DNAH5: variants seen among roughly 807,000 people sequenced by gnomAD.
DNAH5 encodes the protein dynein axonemal heavy chain 5, also known as axonemal beta dynein heavy chain 5.
In DNAH5, 372 loss-of-function variants were observed where a neutral mutation model predicts 518.2. The ratio of observed to expected loss-of-function variants is 0.72; its 90% confidence interval spans 0.66 to 0.78. The LOEUF (loss-of-function observed/expected upper bound fraction) is 0.78, where lower values mean the gene tolerates loss of function less well. Among genes scored for constraint, DNAH5 ranks in the 30% least tolerant of loss-of-function variants. DNAH5 has a pLI of 0.00. For missense variants in DNAH5, 5,523 were observed against 5,687.0 expected, an observed-to-expected ratio of 0.97 and a Z score of 0.93; for synonymous variants, 2,039 against 2,025.9, an observed-to-expected ratio of 1.01 and a Z score of -0.17.
chr5:13,990,632 C>T (rs761285520), intron 1 of DNAH5, among the ~76,000 whole-genome samples: 8 of 152,124 alleles, frequency 5.3e-5, no homozygotes, highest in Non-Finnish European at 8.8e-5. Flanking sequence ...CTTTGGGAGG[C>T]CAAGGCGGGC....
chr5:13,820,393 C>A lies in DNAH5; in HGVS notation c.6794G>T (p.Gly2265Val). The A allele has an allele frequency of 6.2e-7, 1 of 1,611,292 alleles. No individual in the cohort carries two copies. The highest frequency in any genetic ancestry group is 8.5e-7 in the Non-Finnish European group (1 of 1,179,150). ...RHGMMTLGPS[G>V]AGKTTCIHTL... ...GTGGATGCAGGTGGTCTTCCCAGCCCCACTGGGCCCCAGAGTCATCATCCC... is the reference window on the plus strand; with the variant it reads ...GTGGATGCAGGTGGTCTTCCCAGCCACACTGGGCCCCAGAGTCATCATCCC... Residue 2265 changes from glycine (G) to valine (V), a missense_variant, in exon 41 of 79, where the codon GGG (glycine) becomes GTG (valine). Physicochemically the swap from Gly to Val is moderately radical, Grantham distance 109. This residue lies in a region of DNAH5 where 5,121 missense variants were observed against 5,223.3 expected (regional missense o/e 0.98). Transcript: ENST00000265104.
intron 32 of DNAH5, among the ~76,000 whole-genome samples, 191 bp from the exon 33 acceptor site, chr5:13,842,095 C>G (rs953524323): frequency 4.6e-5 from 7 of 151,260 alleles, no homozygotes; most frequent in African/African-American, 1.7e-4. Context: ...AAAATCAATT[C>G]CAGGCCAGGC....
Position 13,824,171 on chromosome 5 carries a change from G to A in DNAH5, c.6579+28C>T, listed in dbSNP as rs77355856. The A allele has an allele frequency of 1.3e-3, 2,014 of 1,610,530 alleles. 22 individuals are homozygous for A. The African/African-American group carries it at 0.023, about 19-fold the overall frequency. Reference sequence around the variant, plus strand: ...GTTAGTTTAACTGATATCCAAGTAGGTGGAACACTTCCATCTGTGAGTCTT... The same window carrying A: ...GTTAGTTTAACTGATATCCAAGTAGATGGAACACTTCCATCTGTGAGTCTT... On this transcript the variant is annotated intron_variant, in intron 39 of 78. Transcript: ENST00000265104.
intron 18 of DNAH5, among the ~76,000 whole-genome samples, 161 bp from the exon 19 acceptor site, chr5:13,885,389 G>A (rs1772268271): frequency 6.6e-6 from 1 of 152,268 alleles, no homozygotes; most frequent in East Asian, 1.9e-4. Context: ...TAGGAAGTGA[G>A]GACATCAAAA....
intron 40 of DNAH5, 119 bp from the exon 41 acceptor site, chr5:13,820,618 TTCAAGA>T (rs1469102772): frequency 1.7e-6 from 2 of 1,164,970 alleles, no homozygotes; most frequent in Non-Finnish European, 1.3e-6. Context: ...AGGTCAGGAG[TTCAAGA>T]CCAGCCAGGC....
At chr5:13,938,828 A>C (rs1779200671) in intron 1 of DNAH5, among the ~76,000 whole-genome samples, 1 of 152,210 alleles carries the variant, frequency 6.6e-6, no homozygotes, top group Non-Finnish European at 1.5e-5. Flanking sequence ...AACCAAGGAC[A>C]TGGATTTGAT....
chr5:13,954,462 G>A (rs1780632478), intron 1 of DNAH5, among the ~76,000 whole-genome samples: 1 of 152,224 alleles, frequency 6.6e-6, no homozygotes, highest in South Asian at 2.1e-4. Flanking sequence ...TTTGAAGTTG[G>A]TCTAAATCAC....
chr5:13,774,593 G>A (rs1294721069), intron 55 of DNAH5, among the ~76,000 whole-genome samples: 1 of 152,132 alleles, frequency 6.6e-6, no homozygotes, highest in African/African-American at 2.4e-5. Context: ...CTTGTCTTGA[G>A]TCTGTCCAAT....
At chr5:13,949,947 C>T (rs746925440) in intron 1 of DNAH5, among the ~76,000 whole-genome samples, 145 of 152,264 alleles carry the variant, frequency 9.5e-4, no homozygotes, top group Non-Finnish European at 1.7e-3. Context: ...CCCATTTTCC[C>T]CTAAATTATA....
chr5:13,715,753 T>G (rs1744205242), intron 74 of DNAH5, among the ~76,000 whole-genome samples: 1 of 152,252 alleles, frequency 6.6e-6, no homozygotes, highest in Non-Finnish European at 1.5e-5. Context: ...AAACTGCCTG[T>G]AGAAATCTAC....
At chr5:13,751,380 A>C in intron 64 of DNAH5, 120 bp from the exon 65 acceptor site, 1 of 1,022,340 alleles carries the variant, frequency 9.8e-7, no homozygotes, top group South Asian at 1.5e-5. Context: ...TTGTATACTA[A>C]AAAAGAAATG....
intron 47 of DNAH5, among the ~76,000 whole-genome samples, chr5:13,806,811 TAAAC>T (rs569865495): frequency 6.0e-4 from 92 of 152,068 alleles, no homozygotes; most frequent in Non-Finnish European, 9.0e-4. Context: ...GAAAAAAAAA[TAAAC>T]AACGCAAACT....
intron 38 of DNAH5, among the ~76,000 whole-genome samples, chr5:13,824,647 C>T (rs966555984): frequency 6.6e-6 from 1 of 152,146 alleles, no homozygotes; most frequent in Non-Finnish European, 1.5e-5. Context: ...TATTCTTAAT[C>T]AATCATACAT....
intron 71 of DNAH5, among the ~76,000 whole-genome samples, chr5:13,720,543 C>T (rs1054803775): frequency 1.3e-5 from 2 of 150,070 alleles, no homozygotes; most frequent in African/African-American, 2.5e-5. Flanking sequence ...CCACCACGTC[C>T]AGTTAATTTT....
intron 12 of DNAH5, among the ~76,000 whole-genome samples, chr5:13,902,777 T>C (rs894835258): frequency 7.9e-5 from 12 of 152,178 alleles, no homozygotes; most frequent in African/African-American, 2.9e-4. Context: ...AGGTTTAAAC[T>C]ACACATGAAA....
chr5:13,883,292 C>G (rs1343414267), intron 19 of DNAH5, among the ~76,000 whole-genome samples, 198 bp from the exon 20 acceptor site: 1 of 151,922 alleles, frequency 6.6e-6, no homozygotes, highest in Non-Finnish European at 1.5e-5. Context: ...GAACCCAAGG[C>G]ATTTTTTGCT....
chr5:13,891,420 G>C (rs527292656), intron 16 of DNAH5, among the ~76,000 whole-genome samples: 68 of 152,124 alleles, frequency 4.5e-4, no homozygotes, highest in South Asian at 1.7e-3. Context: ...TGCCTCCTTA[G>C]GGACTTTTAG....
upstream of DNAH5, among the ~76,000 whole-genome samples, chr5:13,947,205 T>G (rs1283408135): frequency 3.3e-5 from 5 of 152,248 alleles, no homozygotes; most frequent in Admixed American, 3.3e-4. Context: ...ATAAGCTTTA[T>G]GTGGACATAT....
chr5:13,806,014 G>A lies in DNAH5; in HGVS notation c.7887+1577C>T, dbSNP rs573512556. Among the ~76,000 whole-genome samples the A allele has an allele frequency of 5.9e-5, 9 of 152,144 alleles. No homozygotes were observed. In the East Asian group the frequency reaches 7.7e-4, roughly 13 times the overall value. On this transcript the variant is annotated intron_variant, in intron 47 of 78. Coordinates refer to ENST00000265104, the MANE Select transcript of DNAH5 (RefSeq NM_001369.3). ...AAGAGTTCATACAGTCTCATGAAGT[G>A]TGGATCATTAGAAAATCACCCCACA... is the stretch of plus-strand genomic sequence containing the variant.
Sources: gnomAD v4.1 joint callset for allele counts (sites outside exome capture counted in the v4.1 genomes callset) on GRCh38, gnomAD v4.1.1 for gene constraint, gnomAD v4.1.1 regional missense constraint, MANE v1.5 for transcripts, NCBI Gene and HGNC (gene_info 2026-07-23, HGNC 2026-07-21) for gene names.